The following RAD18 variants were observed in gnomAD, a reference collection of about 807,000 sequenced individuals.
RAD18 encodes the protein E3 ubiquitin-protein ligase RAD18.
In RAD18, 47 loss-of-function variants were observed where a neutral mutation model predicts 60.4. That is an observed-to-expected ratio of 0.78 (90% confidence interval 0.62 to 0.99). The LOEUF is 0.99. RAD18 is among the 50% of genes least tolerant of loss of function. RAD18 has a pLI of 0.00. For synonymous variants in RAD18, 225 were observed against 195.5 expected, an observed-to-expected ratio of 1.15 and a Z score of -1.26; for missense variants, 640 against 593.3, an observed-to-expected ratio of 1.08 and a Z score of -0.82.
intron 2 of RAD18, among the ~76,000 whole-genome samples, chr3:8,956,132 G>A (rs1289172767): frequency 2.0e-5 from 3 of 152,168 alleles, no homozygotes; most frequent in Non-Finnish European, 4.4e-5. Flanking sequence ...AGCAACCTCA[G>A]CATACAATTT....
chr3:8,916,042 A>G (rs1174101827), intron 7 of RAD18, among the ~76,000 whole-genome samples: 1 of 152,204 alleles, frequency 6.6e-6, no homozygotes, highest in Non-Finnish European at 1.5e-5. Flanking sequence ...TGAAGCCCCA[A>G]TCACATCTTT....
chr3:8,898,860 T>C, intron 11 of RAD18, 34 bp downstream of exon 11: 1 of 1,484,030 alleles, frequency 6.7e-7, no homozygotes, highest in South Asian at 1.3e-5. Flanking sequence ...ATGAAGTAGA[T>C]ATTTAAAATA....
intron 2 of RAD18, among the ~76,000 whole-genome samples, chr3:8,949,674 A>G (rs931497352): frequency 1.9e-3 from 284 of 152,144 alleles, no homozygotes; most frequent in Non-Finnish European, 2.8e-3. Context: ...GGAGAGAGAG[A>G]GGGGGGTAAT....
At chr3:8,887,017 G>A (rs1426740390) in intron 12 of RAD18, among the ~76,000 whole-genome samples, 1 of 152,214 alleles carries the variant, frequency 6.6e-6, no homozygotes, top group Non-Finnish European at 1.5e-5. Context: ...AACAGACCAA[G>A]GCAGAGAGAC....
intron 2 of RAD18, among the ~76,000 whole-genome samples, chr3:8,958,076 A>G (rs1300562315): frequency 1.3e-5 from 2 of 152,298 alleles, no homozygotes; most frequent in East Asian, 1.9e-4. Context: ...TCTCACAAAC[A>G]TTTTCTAAAG....
At chr3:8,931,197 T>C (rs189592153) in intron 7 of RAD18, among the ~76,000 whole-genome samples, 5 of 152,256 alleles carry the variant, frequency 3.3e-5, no homozygotes. Context: ...CAAAAATAAA[T>C]GTCAAAATGA....
At chr3:8,907,410 G>A (rs1940028581) in intron 9 of RAD18, among the ~76,000 whole-genome samples, 1 of 152,136 alleles carries the variant, frequency 6.6e-6, no homozygotes, top group Non-Finnish European at 1.5e-5. Flanking sequence ...AAGGCTCTTT[G>A]GTGTCCTTGA....
chr3:8,941,107 A>C (rs2124829272), intron 5 of RAD18, among the ~76,000 whole-genome samples: 1 of 152,318 alleles, frequency 6.6e-6, no homozygotes, highest in East Asian at 1.9e-4. Context: ...TGGCAGGCAG[A>C]ACAGTGAGGA....
intron 11 of RAD18, among the ~76,000 whole-genome samples, 173 bp downstream of exon 11, chr3:8,898,721 A>T (rs578246200): frequency 6.6e-5 from 10 of 152,306 alleles, no homozygotes; most frequent in African/African-American, 2.4e-4. Context: ...CTACCTTCCC[A>T]AATCCTGCCT....
At chr3:8,889,294 T>C (rs1939639687) in intron 12 of RAD18, among the ~76,000 whole-genome samples, 3 of 152,214 alleles carry the variant, frequency 2.0e-5, no homozygotes, top group Admixed American at 2.0e-4. Flanking sequence ...CTATATGACC[T>C]TGGGCTGGAG....
chr3:8,936,154 GAAA>G (rs1940649920), intron 6 of RAD18, 99 bp from the exon 7 acceptor site: 3 of 1,123,668 alleles, frequency 2.7e-6, no homozygotes, highest in Admixed American at 3.0e-5. Context: ...GGGTGACCGG[GAAA>G]ATAGTAGAAC....
intron 9 of RAD18, among the ~76,000 whole-genome samples, chr3:8,911,522 A>G (rs1012530667): frequency 3.9e-5 from 6 of 152,340 alleles, no homozygotes; most frequent in East Asian, 1.9e-4. Context: ...TTTGTTGTTC[A>G]GTCCATAATC....
chr3:8,938,028 T>G (rs1940682877), intron 6 of RAD18, among the ~76,000 whole-genome samples: 1 of 152,190 alleles, frequency 6.6e-6, no homozygotes, highest in Non-Finnish European at 1.5e-5. Context: ...GCAGATTCCT[T>G]ACTCTTCCAA....
intron 2 of RAD18, among the ~76,000 whole-genome samples, chr3:8,951,641 A>C (rs1034742154): frequency 3.9e-5 from 6 of 152,234 alleles, no homozygotes; most frequent in Non-Finnish European, 5.9e-5. Flanking sequence ...ATAATAACGA[A>C]GTATTCAATT....
chr3:8,930,816 T>C (rs145025878), intron 7 of RAD18, among the ~76,000 whole-genome samples: 4 of 152,254 alleles, frequency 2.6e-5, no homozygotes, highest in African/African-American at 9.6e-5. Flanking sequence ...AAAGAACATA[T>C]ATTGATGCAA....
intron 12 of RAD18, among the ~76,000 whole-genome samples, chr3:8,889,193 AC>A (rs1939637475): frequency 6.6e-6 from 1 of 152,128 alleles, no homozygotes; most frequent in Non-Finnish European, 1.5e-5. Context: ...AAGCCTCTCC[AC>A]CTTTGGAAAG....
At chr3:8,909,429 C>T (rs1310772820) in intron 9 of RAD18, among the ~76,000 whole-genome samples, 2 of 151,108 alleles carry the variant, frequency 1.3e-5, no homozygotes, top group Non-Finnish European at 2.9e-5. Context: ...GACTAGAGAG[C>T]AAAGTGATAC....
intron 9 of RAD18, among the ~76,000 whole-genome samples, chr3:8,905,287 T>G (rs1486266619): frequency 6.6e-6 from 1 of 152,168 alleles, no homozygotes; most frequent in Admixed American, 6.5e-5. Flanking sequence ...CCTTTGTGCC[T>G]CTCTAAGTTT....
At chr3:8,935,203 A>C (rs1575554964) in intron 7 of RAD18, among the ~76,000 whole-genome samples, 2 of 152,334 alleles carry the variant, frequency 1.3e-5, no homozygotes, top group African/African-American at 2.4e-5. Context: ...TAATGTTTGC[A>C]TGTTATTCTC....
Sources: gnomAD v4.1 joint callset for allele counts (sites outside exome capture counted in the v4.1 genomes callset) on GRCh38, gnomAD v4.1.1 for gene constraint, MANE v1.5 for transcripts, NCBI Gene and HGNC (gene_info 2026-07-23, HGNC 2026-07-21) for gene names.